Variants in MARCHF1 observed in about 807,000 individuals in gnomAD.
MARCHF1 encodes the protein E3 ubiquitin-protein ligase MARCHF1.
MARCHF1 carries 40 observed loss-of-function variants against 54.2 expected under a neutral mutation model. That is an observed-to-expected ratio of 0.74 (90% CI 0.57 to 0.96). The LOEUF is 0.96. MARCHF1 is among the 40% of genes least tolerant of loss of function. MARCHF1 has a pLI of 0.00. For synonymous variants in MARCHF1, 236 were observed against 236.3 expected, an observed-to-expected ratio of 1.00 and a Z score of 0.01; for missense variants, 586 against 656.5, an observed-to-expected ratio of 0.89 and a Z score of 1.17.
At chr4:164,126,047 T>A (rs1220656872) in intron 1 of MARCHF1, among the ~76,000 whole-genome samples, 1 of 152,232 alleles carries the variant, frequency 6.6e-6, no homozygotes, top group African/African-American at 2.4e-5. Context: ...CAAGTCTCAG[T>A]CATTCCTGGG....
At chr4:163,887,826 C>T (rs1266907994) in intron 3 of MARCHF1, among the ~76,000 whole-genome samples, 3 of 152,160 alleles carry the variant, frequency 2.0e-5, no homozygotes, top group African/African-American at 7.2e-5. Flanking sequence ...TTTTATAACT[C>T]TTCCCTTATT....
chr4:164,001,070 C>T (rs1355191623), intron 2 of MARCHF1, among the ~76,000 whole-genome samples: 1 of 151,692 alleles, frequency 6.6e-6, no homozygotes, highest in Non-Finnish European at 1.5e-5. Context: ...ATAAAGCTTT[C>T]TGCTTCAGAA....
chr4:164,144,887 G>C (rs1312494242), intron 1 of MARCHF1, among the ~76,000 whole-genome samples: 3 of 121,348 alleles, frequency 2.5e-5, no homozygotes, highest in African/African-American at 3.5e-5. Flanking sequence ...CCAGGAGCTG[G>C]TTTTTTGAAA....
intron 5 of MARCHF1, among the ~76,000 whole-genome samples, chr4:163,665,090 T>C (rs2111111201): frequency 6.6e-6 from 1 of 152,200 alleles, no homozygotes; most frequent in South Asian, 2.1e-4. Context: ...TCTATCTTAA[T>C]GTTGGTTACT....
intron 3 of MARCHF1, among the ~76,000 whole-genome samples, chr4:163,895,679 TG>T (rs1183498711): frequency 6.6e-6 from 1 of 152,136 alleles, no homozygotes; most frequent in Non-Finnish European, 1.5e-5. Context: ...TGAAAGAGGA[TG>T]TTCTGTTTTG....
chr4:164,330,593 A>G (rs949668105), intron 1 of MARCHF1, among the ~76,000 whole-genome samples: 3 of 152,236 alleles, frequency 2.0e-5, no homozygotes. Flanking sequence ...GAAAATACAT[A>G]AACAGAAAAA....
chr4:163,854,901 CT>C (rs1466078732), intron 3 of MARCHF1, among the ~76,000 whole-genome samples: 3 of 152,124 alleles, frequency 2.0e-5, no homozygotes, highest in Admixed American at 2.0e-4. Context: ...ATTGTTTCCC[CT>C]GTAAAGTTTT....
chr4:163,598,645 C>T (rs372887704), intron 7 of MARCHF1, among the ~76,000 whole-genome samples: 16 of 152,170 alleles, frequency 1.1e-4, no homozygotes, highest in African/African-American at 3.9e-4. Context: ...GTCTAAAAAG[C>T]AGTACACCTG....
chr4:163,986,751 ATT>A, intron 3 of MARCHF1, among the ~76,000 whole-genome samples: 1 of 152,226 alleles, frequency 6.6e-6, no homozygotes, highest in African/African-American at 2.4e-5. Context: ...ACAAAGAATA[ATT>A]TCATTATTAT....
chr4:163,936,887 T>C (rs1751808839), intron 3 of MARCHF1, among the ~76,000 whole-genome samples: 1 of 152,160 alleles, frequency 6.6e-6, no homozygotes, highest in Non-Finnish European at 1.5e-5. Context: ...GAAGAGTATA[T>C]AAGAGTGGCT....
Position 164,054,236 on chromosome 4 carries a change from C to T in MARCHF1, c.-248+57352G>A, listed in dbSNP as rs1212885972. On this transcript the variant is annotated intron_variant, in intron 2 of 9. Transcript: ENST00000514618. ...AAAACCACAGTGAGATACCATCTCA[C>T]ACCAGTTAGAATGGCAATCATTAAA... Among the ~76,000 whole-genome samples, 21 of 152,056 alleles carry T rather than the reference C, an allele frequency of 1.4e-4. No individual in the cohort carries two copies. The East Asian group carries it at 3.1e-3, about 22-fold the overall frequency.
intron 1 of MARCHF1, among the ~76,000 whole-genome samples, chr4:164,159,826 G>A (rs1006267588): frequency 6.6e-6 from 1 of 152,212 alleles, no homozygotes; most frequent in Admixed American, 6.5e-5. Flanking sequence ...GAGCTAAACC[G>A]CCACTTAAAA....
intron 5 of MARCHF1, among the ~76,000 whole-genome samples, chr4:163,672,417 A>G (rs903928046): frequency 6.6e-5 from 10 of 152,266 alleles, no homozygotes; most frequent in Admixed American, 6.5e-4. Flanking sequence ...GGCACACAAG[A>G]AGCACTTAAT....
chr4:163,700,753 A>T (rs1744787007), intron 5 of MARCHF1, 60 bp downstream of exon 5: 3 of 1,225,926 alleles, frequency 2.4e-6, no homozygotes, highest in Non-Finnish European at 3.5e-6. Context: ...CATTATAAAC[A>T]TTTATGTGAA....
chr4:163,680,824 T>C (rs1219082682), intron 5 of MARCHF1, among the ~76,000 whole-genome samples: 1 of 152,112 alleles, frequency 6.6e-6, no homozygotes, highest in African/African-American at 2.4e-5. Flanking sequence ...TCACAACACT[T>C]ATTGAAGTTT....
At chr4:164,132,821 ATGTG>A (rs1407502512) in intron 1 of MARCHF1, among the ~76,000 whole-genome samples, 5 of 152,068 alleles carry the variant, frequency 3.3e-5, no homozygotes, top group South Asian at 2.1e-4. Flanking sequence ...ATATGTATGT[ATGTG>A]TATGTATATT....
chr4:164,078,805 C>G (rs1237371701), intron 2 of MARCHF1, among the ~76,000 whole-genome samples: 1 of 151,986 alleles, frequency 6.6e-6, no homozygotes, highest in Non-Finnish European at 1.5e-5. Flanking sequence ...GAAATCACAA[C>G]TATACCTAAT....
At chr4:163,997,842 A>G (rs899782880) in intron 2 of MARCHF1, among the ~76,000 whole-genome samples, 1 of 151,844 alleles carries the variant, frequency 6.6e-6, no homozygotes, top group African/African-American at 2.4e-5. Context: ...TGGAAAAAAA[A>G]GTAAGATATA....
intron 1 of MARCHF1, chr4:164,189,094 G>T: frequency 1.5e-6 from 1 of 680,238 alleles, no homozygotes; most frequent in Non-Finnish European, 2.7e-6. Context: ...CATTGACAAT[G>T]GTGTCTTCGG....
Sources: gnomAD v4.1 joint callset for allele counts (sites outside exome capture counted in the v4.1 genomes callset) on GRCh38, gnomAD v4.1.1 for gene constraint, MANE v1.5 for transcripts, NCBI Gene and HGNC (gene_info 2026-07-23, HGNC 2026-07-21) for gene names.